FAAH2: variants seen among roughly 807,000 people sequenced by gnomAD.
FAAH2 encodes the protein fatty acid amide hydrolase 2.
FAAH2 carries 60 observed loss-of-function variants against 36.9 expected under a neutral mutation model. The ratio of observed to expected loss-of-function variants is 1.63; its 90% CI spans 1.32 to 2.02. The LOEUF is 2.02. Among genes scored for constraint, FAAH2 ranks in the 30% most tolerant of loss-of-function variants. The pLI, the probability that FAAH2 is intolerant of heterozygous loss-of-function variation, is 0.00. For synonymous variants in FAAH2, 214 were observed against 143.8 expected, an observed-to-expected ratio of 1.49 and a Z score of -3.49; for missense variants, 689 against 397.5, an observed-to-expected ratio of 1.73 and a Z score of -6.23.
chrX:57,161,480 A>C, the FAAH2 span, among the ~76,000 whole-genome samples: 1 of 110,713 alleles, frequency 9.0e-6, no homozygotes, highest in Non-Finnish European at 1.9e-5. Flanking sequence ...TCCCATTATT[A>C]TTGTGTGGGA....
intron 2 of FAAH2, among the ~76,000 whole-genome samples, chrX:57,301,669 A>G (rs2052376890): frequency 9.1e-6 from 1 of 109,908 alleles, no homozygotes; most frequent in Admixed American, 9.7e-5. Flanking sequence ...CATAAAATCT[A>G]ATAAAAAAAT....
At chrX:57,234,388 G>T in the FAAH2 span, among the ~76,000 whole-genome samples, 1 of 111,671 alleles carries the variant, frequency 9.0e-6, no homozygotes, top group Non-Finnish European at 1.9e-5. Context: ...ATATTTTCAG[G>T]AGTGTGTGTA....
the FAAH2 span, among the ~76,000 whole-genome samples, chrX:57,281,527 G>A: frequency 8.9e-6 from 1 of 112,159 alleles, no homozygotes; most frequent in East Asian, 2.8e-4. Flanking sequence ...TCAGATATAA[G>A]TTCATGTTTT....
intron 3 of FAAH2, among the ~76,000 whole-genome samples, chrX:57,326,449 TC>T (rs2146974259): frequency 8.8e-6 from 1 of 114,115 alleles, no homozygotes; most frequent in Admixed American, 9.1e-5. Flanking sequence ...TGTTAAAGTC[TC>T]CCATTATTAT....
chrX:57,217,719 C>A, the FAAH2 span, among the ~76,000 whole-genome samples: 5 of 111,715 alleles, frequency 4.5e-5, no homozygotes, highest in African/African-American at 1.6e-4. Flanking sequence ...TAGTGTGATG[C>A]CTGCAGATTT....
At chrX:57,142,174 C>T in the FAAH2 span, among the ~76,000 whole-genome samples, 1 of 111,655 alleles carries the variant, frequency 9.0e-6, no homozygotes, top group Non-Finnish European at 1.9e-5. Flanking sequence ...TAATTTTCTA[C>T]TTCTTTAAGG....
chrX:57,363,735 T>G (rs185086834), intron 5 of FAAH2, among the ~76,000 whole-genome samples: 143 of 111,097 alleles, frequency 1.3e-3, no homozygotes, highest in African/African-American at 4.4e-3. Context: ...TTGAGGTATG[T>G]TCTATGGTGC....
At chrX:57,270,259 T>G in the FAAH2 span, among the ~76,000 whole-genome samples, 4 of 111,533 alleles carry the variant, frequency 3.6e-5, no homozygotes, top group African/African-American at 6.5e-5. Context: ...CAAGACCAGA[T>G]GGATTCATGG....
chrX:57,469,642 T>G (rs934177663), intron 10 of FAAH2, among the ~76,000 whole-genome samples: 1 of 111,249 alleles, frequency 9.0e-6, no homozygotes. Flanking sequence ...TCCAACACAA[T>G]AATAATGGGA....
the FAAH2 span, among the ~76,000 whole-genome samples, chrX:57,185,682 A>G: frequency 1.8e-5 from 2 of 109,957 alleles, no homozygotes; most frequent in African/African-American, 6.6e-5. Flanking sequence ...TGCATTAGGT[A>G]TTTGTCCTAA....
Position 57,299,338 on chromosome X carries a change from G to C in FAAH2, c.275+6758G>C, listed in dbSNP as rs949253135. On this transcript the variant is annotated intron_variant, in intron 2 of 10. Transcript: ENST00000374900. Reference sequence around the variant, plus strand: ...ATAAAGTTAATTCAGCATATAAACAGAACCAAAGACAAAAACCACATGATT... The same window carrying C: ...ATAAAGTTAATTCAGCATATAAACACAACCAAAGACAAAAACCACATGATT... Among the ~76,000 whole-genome samples, 8 of 111,993 alleles carry C rather than the reference G, an allele frequency of 7.1e-5. No homozygotes were observed. In the East Asian group the frequency reaches 2.2e-3, roughly 31 times the overall value.
intron 3 of FAAH2, among the ~76,000 whole-genome samples, chrX:57,325,284 A>G (rs1454429210): frequency 9.0e-6 from 1 of 111,159 alleles, no homozygotes; most frequent in Non-Finnish European, 1.9e-5. Context: ...CATCAGGGAT[A>G]TTGGTCTAAA....
At chrX:57,448,028 T>A (rs1171394447) in intron 9 of FAAH2, among the ~76,000 whole-genome samples, 1 of 112,098 alleles carries the variant, frequency 8.9e-6, no homozygotes, top group Non-Finnish European at 1.9e-5. Flanking sequence ...CTTGCTTTGA[T>A]GTCCAGGCTG....
chrX:57,313,290 G>A (rs1207817749), intron 3 of FAAH2, among the ~76,000 whole-genome samples: 2 of 109,701 alleles, frequency 1.8e-5, no homozygotes, highest in Admixed American at 9.9e-5. Context: ...CAAGAGAGAA[G>A]GAGAGAGAAT....
intron 7 of FAAH2, among the ~76,000 whole-genome samples, chrX:57,391,256 C>A (rs2055160745): frequency 9.0e-6 from 1 of 111,266 alleles, no homozygotes; most frequent in Admixed American, 9.6e-5. Flanking sequence ...ATATTTTCTT[C>A]TCTTCTGTAG....
At chrX:57,226,548 G>A in the FAAH2 span, among the ~76,000 whole-genome samples, 1 of 111,567 alleles carries the variant, frequency 9.0e-6, no homozygotes, top group African/African-American at 3.3e-5. Flanking sequence ...TCCTTTATAG[G>A]TTTCCTGGTG....
At chrX:57,390,500 T>C (rs1277840332) in intron 7 of FAAH2, among the ~76,000 whole-genome samples, 2 of 111,198 alleles carry the variant, frequency 1.8e-5, no homozygotes, top group Non-Finnish European at 3.8e-5. Context: ...CCCTTCCATA[T>C]TTTTGAGTTG....
At chrX:57,138,001 A>G in the FAAH2 span, among the ~76,000 whole-genome samples, 1 of 111,829 alleles carries the variant, frequency 8.9e-6, no homozygotes, top group African/African-American at 3.3e-5. Flanking sequence ...ACTCACAGAT[A>G]TAATTCTCTG....
At chrX:57,447,164 C>T (rs367981010) in intron 9 of FAAH2, 125 bp downstream of exon 9, 138 of 437,130 alleles carry the variant, frequency 3.2e-4, no homozygotes, top group African/African-American at 1.8e-3. Context: ...GAAATCTTAA[C>T]GCTCCAAAAT....
Sources: gnomAD v4.1 joint callset for allele counts (sites outside exome capture counted in the v4.1 genomes callset) on GRCh38, gnomAD v4.1.1 for gene constraint, MANE v1.5 for transcripts, NCBI Gene and HGNC (gene_info 2026-07-23, HGNC 2026-07-21) for gene names.